The following RASA1 variants were observed in gnomAD, a reference collection of about 807,000 sequenced individuals.
The protein encoded by RASA1 is ras GTPase-activating protein 1.
RASA1 carries 25 observed loss-of-function variants against 132.2 expected under a neutral mutation model. The observed-to-expected ratio is 0.19, with a 90% CI of 0.14 to 0.26. The LOEUF is 0.26. Ranked by LOEUF, RASA1 falls within the 10% of genes least tolerant of loss-of-function variation. RASA1 has a pLI of 1.00. For synonymous variants in RASA1, 477 were observed against 449.9 expected (o/e 1.06, Z -0.76); for missense variants, 964 against 1,299.2 (o/e 0.74, Z 3.97).
chr5:87,308,491 T>C (rs1481414886), intron 1 of RASA1, among the ~76,000 whole-genome samples: 2 of 152,102 alleles, frequency 1.3e-5, no homozygotes, highest in East Asian at 3.9e-4. Flanking sequence ...CTGCAAGTAA[T>C]GTGACAAGTA....
chr5:87,361,411 G>C (rs1480869477), intron 9 of RASA1, among the ~76,000 whole-genome samples: 1 of 152,152 alleles, frequency 6.6e-6, no homozygotes, highest in African/African-American at 2.4e-5. Context: ...TTTCAAGATA[G>C]AGGATTATGA....
intron 1 of RASA1, among the ~76,000 whole-genome samples, chr5:87,270,645 CCTTTTTTTTTTTT>C (rs1753787753): frequency 1.0e-5 from 1 of 97,428 alleles, no homozygotes; most frequent in African/African-American, 4.5e-5. Flanking sequence ...CGGTGCCCGG[CCTTTTTTTTTTTT>C]TTTTTTTTTT....
At chr5:87,369,529 C>G (rs1433929415) in intron 11 of RASA1, among the ~76,000 whole-genome samples, 5 of 152,104 alleles carry the variant, frequency 3.3e-5, no homozygotes, top group African/African-American at 1.2e-4. Flanking sequence ...AGCAGTTCAG[C>G]TTCAATCTGT....
chr5:87,287,306 C>CACACCATATATAT (rs1364283894), intron 1 of RASA1, among the ~76,000 whole-genome samples: 6 of 146,266 alleles, frequency 4.1e-5, no homozygotes, highest in African/African-American at 2.5e-5. Flanking sequence ...ACCATATATA[C>CACACCATATATAT]ACACCATATA....
intron 1 of RASA1, among the ~76,000 whole-genome samples, chr5:87,304,377 T>C (rs535036345): frequency 6.6e-6 from 1 of 152,340 alleles, no homozygotes; most frequent in East Asian, 1.9e-4. Context: ...TATTTACTTT[T>C]ACTATTTCCC....
chr5:87,301,973 A>G (rs1385330780), intron 1 of RASA1, among the ~76,000 whole-genome samples: 1 of 152,148 alleles, frequency 6.6e-6, no homozygotes, highest in Non-Finnish European at 1.5e-5. Context: ...GGGTGTGTCT[A>G]GTTTGACTAT....
chr5:87,371,950 TGTTA>T (rs1760977613), intron 12 of RASA1, among the ~76,000 whole-genome samples, 164 bp from the exon 13 acceptor site: 1 of 143,278 alleles, frequency 7.0e-6, no homozygotes, highest in Non-Finnish European at 1.6e-5. Flanking sequence ...GTTATGTTAT[TGTTA>T]TTTTATTATT....
rs369735817 is a variant in RASA1 at position 87,268,713 on chromosome 5, G to A, written c.262G>A (p.Gly88Arg). ...GGCACTGGGGGGAGCTGGACTGACAGGGGGAGGTACTGCTGCTGGCGTAGC... is the reference window on the plus strand; with the variant it reads ...GGCACTGGGGGGAGCTGGACTGACAAGGGGAGGTACTGCTGCTGGCGTAGC... ...AGALGGAGLT[G>R]GGTAAGVAGA... The change falls in exon 1 of 25, where the codon GGG becomes AGG. Residue 88 changes from glycine to arginine, a missense_variant. Physicochemically the swap from Gly to Arg is moderately radical, Grantham distance 125. Transcript: ENST00000274376. The A allele has an allele frequency of 4.3e-6, 7 of 1,612,370 alleles. No individual in the cohort carries two copies. Among genetic ancestry groups the A allele is most frequent in the African/African-American group, 1.3e-5 (1 of 74,932 alleles).
intron 1 of RASA1, among the ~76,000 whole-genome samples, chr5:87,320,306 T>C (rs7731713): frequency 0.034 from 5,176 of 152,322 alleles, 261 homozygotes; most frequent in African/African-American, 0.11. Context: ...AAGTTGCTTC[T>C]GCATTTTGAG....
Position 87,379,859 on chromosome 5 carries a change from T to C in RASA1, c.2603+9T>C. 6.2e-7 allele frequency: 1 copy of C among 1,610,970 alleles called. No homozygotes were observed. Among genetic ancestry groups the C allele is most frequent in the South Asian group, 1.1e-5 (1 of 90,952 alleles). ...TCAGAAATACTTCCACCGTAAGTGG[T>C]GAAATTTTCATTTGACAAGAAATTG... On this transcript the variant is annotated intron_variant, in intron 19 of 24. Coordinates refer to ENST00000274376, the MANE Select transcript of RASA1 (RefSeq NM_002890.3).
Position 87,352,303 on chromosome 5 carries a change from TACAC to T in RASA1, c.1254-842_1254-839del, listed in dbSNP as rs142667821. ...ATAGGGAAGATAACATACTTGAAGATACACACACACACACATATATATTCTAATT... is the reference window on the plus strand; with the variant it reads ...ATAGGGAAGATAACATACTTGAAGATACACACACACATATATATTCTAATT... On this transcript the variant is annotated intron_variant, in intron 8 of 24. Coordinates refer to ENST00000274376, the MANE Select transcript of RASA1 (RefSeq NM_002890.3). 1.6e-3 allele frequency among the ~76,000 whole-genome samples: 240 copies of T among 150,142 alleles called. 1 individual carries two copies. Among genetic ancestry groups the T allele is most frequent in the Middle Eastern group, 6.9e-3 (2 of 288 alleles).
intron 8 of RASA1, among the ~76,000 whole-genome samples, chr5:87,351,918 T>C (rs1759308464): frequency 6.6e-6 from 1 of 151,812 alleles, no homozygotes; most frequent in Admixed American, 6.6e-5. Flanking sequence ...ATTTTACAGT[T>C]ACTGAGCCCA....
At chr5:87,383,656 AAC>A (rs1761878512) in intron 20 of RASA1, 55 bp from the exon 21 acceptor site, 4 of 1,305,768 alleles carry the variant, frequency 3.1e-6, no homozygotes, top group Non-Finnish European at 4.3e-6. Flanking sequence ...GTTTTAATGT[AAC>A]ACATTATATA....
chr5:87,351,641 T>A (rs1177602182), intron 8 of RASA1, among the ~76,000 whole-genome samples: 1 of 151,748 alleles, frequency 6.6e-6, no homozygotes, highest in Non-Finnish European at 1.5e-5. Flanking sequence ...ATTTCATGGC[T>A]GGAACTTATA....
intron 1 of RASA1, among the ~76,000 whole-genome samples, chr5:87,282,500 C>G (rs1754360502): frequency 6.6e-6 from 1 of 152,128 alleles, no homozygotes; most frequent in Admixed American, 6.5e-5. Flanking sequence ...AAATCTTTAT[C>G]TTTGTTTTCA....
At chr5:87,364,574 G>C (rs752154960) in intron 11 of RASA1, among the ~76,000 whole-genome samples, 3 of 151,900 alleles carry the variant, frequency 2.0e-5, no homozygotes, top group African/African-American at 7.3e-5. Flanking sequence ...CAAAGATTGC[G>C]TGAGGACAGG....
intron 2 of RASA1, among the ~76,000 whole-genome samples, chr5:87,331,878 ACTAT>A (rs1757625016): frequency 6.6e-6 from 1 of 152,158 alleles, no homozygotes; most frequent in Admixed American, 6.6e-5. Flanking sequence ...TTTTAGCTTC[ACTAT>A]TCTAAAACTC....
chr5:87,342,162 CTT>C (rs531793273), intron 6 of RASA1, among the ~76,000 whole-genome samples: 11 of 139,726 alleles, frequency 7.9e-5, no homozygotes, highest in Non-Finnish European at 7.9e-5. Context: ...GTTATTTTTT[CTT>C]TTTTTTTTTT....
In RASA1 at chr5:87,385,319, C is replaced by T; in HGVS notation, c.2777C>T (p.Ala926Val). The change falls in exon 22 of 25, where the codon GCT (alanine) becomes GTT (valine). Residue 926 changes from alanine to valine, a missense_variant. By Grantham distance (64) the Ala-to-Val change is moderately conservative. Transcript: ENST00000274376. The stretch of plus-strand genomic sequence containing the variant: ...GTTACAGATTCTCCATCTCCTATTG[C>T]TGCAAGAACACTGATATTAGTGGCT... ...NIISDSPSPIAARTLILVAKS... is the reference protein window; with the variant it reads ...NIISDSPSPIVARTLILVAKS... The T allele has an allele frequency of 6.2e-7, 1 of 1,609,884 alleles. No homozygotes were observed. Among genetic ancestry groups the T allele is most frequent in the Admixed American group, 1.7e-5 (1 of 59,926 alleles).
Sources: allele counts gnomAD v4.1 joint callset (sites outside exome capture counted in the v4.1 genomes callset), GRCh38; gene constraint gnomAD v4.1.1; transcripts MANE v1.5; gene names NCBI Gene and HGNC (gene_info 2026-07-23, HGNC 2026-07-21).